Variants in FYCO1 observed in about 807,000 individuals in gnomAD.
The protein encoded by FYCO1 is FYVE and coiled-coil domain-containing protein 1.
In FYCO1, 122 loss-of-function variants were observed where a neutral mutation model predicts 165.1. The observed-to-expected ratio is 0.74, with a 90% CI of 0.64 to 0.86. The LOEUF (loss-of-function observed/expected upper bound fraction) is 0.86, where lower values mean the gene tolerates loss of function less well. Ranked by LOEUF, FYCO1 falls within the 40% of genes least tolerant of loss-of-function variation. The probability of loss-of-function intolerance (pLI) is 0.00; values close to 1 mark genes in which losing one functional copy is unlikely to be tolerated. For synonymous variants in FYCO1, 648 were observed against 742.5 expected, an observed-to-expected ratio of 0.87 and a Z score of 2.07; for missense variants, 1,702 against 1,810.3, an observed-to-expected ratio of 0.94 and a Z score of 1.09.
chr3:45,965,891 T>A (rs988789690), intron 8 of FYCO1, among the ~76,000 whole-genome samples: 1 of 152,222 alleles, frequency 6.6e-6, no homozygotes, highest in African/African-American at 2.4e-5. Context: ...ACCCTCAGGT[T>A]CCTGCTGACT....
At position 45,964,475 on chromosome 3, in the gene FYCO1, G is replaced by A; in HGVS notation, c.3151-21C>T. 1.9e-6 allele frequency: 3 copies of A among 1,613,530 alleles called. No individual in the cohort carries two copies. The highest frequency in any genetic ancestry group is 1.3e-5 in the African/African-American group (1 of 75,060). On this transcript the variant is annotated intron_variant, in intron 9 of 17. Transcript: ENST00000296137. This position sits in a 1 kb window ranked among gnomAD's most constrained non-coding sequence, Gnocchi z 4.1. ...GTGGCCTGGCACAGGACGTCAGGGA[G>A]AAGACACTCAGCTTGCAGAAGGCCA... is the stretch of plus-strand genomic sequence containing the variant.
chr3:45,945,857 A>G (rs1413021232), intron 14 of FYCO1: 3 of 152,324 alleles, frequency 2.0e-5, no homozygotes, highest in African/African-American at 4.8e-5. Flanking sequence ...AATCTATGCA[A>G]TTGAGGGGAA....
At chr3:45,924,783 T>C (rs1221405169) in intron 16 of FYCO1, among the ~76,000 whole-genome samples, 1 of 152,014 alleles carries the variant, frequency 6.6e-6, no homozygotes, top group Non-Finnish European at 1.5e-5. Flanking sequence ...CAGCTAATTT[T>C]TGTATTTTTA....
chr3:45,962,060 T>TC lies in FYCO1; in HGVS notation c.3437+164dup, dbSNP rs2125842918. Among the ~76,000 whole-genome samples, 1 of 152,120 alleles carries TC rather than the reference T, an allele frequency of 6.6e-6. No homozygotes were observed. Among genetic ancestry groups the TC allele is most frequent in the African/African-American group, 2.4e-5 (1 of 41,560 alleles). On this transcript the variant is annotated intron_variant, in intron 11 of 17. Transcript: ENST00000296137. This position sits in a 1 kb window ranked among gnomAD's most constrained non-coding sequence, Gnocchi z 4.4. ...ACCTGCAGGCGCTGGAGTTTGGGAC[T>TC]CTAGTACTGGGGAAAGTGAGATGGA... is the stretch of plus-strand genomic sequence containing the variant.
At chr3:45,933,293 A>G (rs1411960005) in intron 15 of FYCO1, among the ~76,000 whole-genome samples, 2 of 152,152 alleles carry the variant, frequency 1.3e-5, no homozygotes, top group African/African-American at 4.8e-5. Context: ...AACCTTTAAC[A>G]TGTTTTCAGA....
chr3:45,922,342 C>T (rs1305384564), intron 17 of FYCO1, among the ~76,000 whole-genome samples: 1 of 152,250 alleles, frequency 6.6e-6, no homozygotes, highest in African/African-American at 2.4e-5. Flanking sequence ...TAACTGGGAG[C>T]CTGCTCGGGC....
chr3:45,958,737 C>T (rs900030921), intron 12 of FYCO1, 118 bp from the exon 13 acceptor site: 5 of 949,256 alleles, frequency 5.3e-6, no homozygotes, highest in South Asian at 1.3e-5. Flanking sequence ...GGCTCTGCCC[C>T]CAAGTTAGGA....
chr3:45,965,067 A>C lies in FYCO1; in HGVS notation c.3116T>G (p.Leu1039Arg), dbSNP rs1168767850. ...RGQLEEQGRQ[L>R]QAAEEAVEKL... ...CTCCACAGCTTCCTCAGCAGCCTGCAGCTGCCGGCCTTGCTCCTCAAGCTG... is the reference window on the plus strand; with the variant it reads ...CTCCACAGCTTCCTCAGCAGCCTGCCGCTGCCGGCCTTGCTCCTCAAGCTG... Residue 1039 changes from leucine to arginine, a missense_variant, in exon 9 of 18, where the codon CTG (leucine) becomes CGG (arginine). Coordinates refer to ENST00000296137, the MANE Select transcript of FYCO1 (RefSeq NM_024513.4). 1.2e-6 allele frequency: 2 copies of C among 1,614,036 alleles called. No individual in the cohort carries two copies. The highest frequency in any genetic ancestry group is 8.5e-7 in the Non-Finnish European group (1 of 1,180,012).
intron 14 of FYCO1, among the ~76,000 whole-genome samples, chr3:45,954,615 A>G (rs1297649581): frequency 2.0e-5 from 3 of 152,198 alleles, no homozygotes; most frequent in East Asian, 1.9e-4. Context: ...CCATGCCCCA[A>G]TTATTCACAT....
At chr3:45,979,653 T>C in intron 4 of FYCO1, 52 bp downstream of exon 4, 2 of 1,609,904 alleles carry the variant, frequency 1.2e-6, no homozygotes, top group Non-Finnish European at 1.7e-6. Context: ...CAAGAGCTGC[T>C]TTAAGCAGGC....
At chr3:45,976,208 C>A (rs899580352) in intron 4 of FYCO1, among the ~76,000 whole-genome samples, 1 of 152,152 alleles carries the variant, frequency 6.6e-6, no homozygotes, top group African/African-American at 2.4e-5. Context: ...AGAGCTTATA[C>A]CTAAAATCCA....
intron 2 of FYCO1, chr3:45,984,540 A>G (rs890583717): frequency 8.3e-6 from 4 of 479,450 alleles, no homozygotes; most frequent in African/African-American, 2.0e-5. Flanking sequence ...TTTGGGATTT[A>G]GCCAAAGACT....
At chr3:45,992,476 A>G (rs146468561) in intron 1 of FYCO1, among the ~76,000 whole-genome samples, 11 of 152,358 alleles carry the variant, frequency 7.2e-5, no homozygotes, top group African/African-American at 2.4e-4. Flanking sequence ...TTTTGGAATC[A>G]GACTAGTTAC....
chr3:45,988,647 A>T (rs1007173885), intron 1 of FYCO1, among the ~76,000 whole-genome samples: 11 of 152,170 alleles, frequency 7.2e-5, no homozygotes, highest in African/African-American at 2.7e-4. Context: ...TCTTTCAAAT[A>T]TCAGAGAAAT....
chr3:45,979,670 A>G, intron 4 of FYCO1, 35 bp downstream of exon 4: 3 of 1,612,526 alleles, frequency 1.9e-6, no homozygotes, highest in Non-Finnish European at 1.7e-6. Flanking sequence ...AGGCAAAAGG[A>G]CGACATGAAG....
chr3:45,947,899 G>A (rs969110961), intron 14 of FYCO1: 1 of 231,122 alleles, frequency 4.3e-6, no homozygotes, highest in Non-Finnish European at 9.3e-6. Flanking sequence ...AAGCTCAGAA[G>A]GCTCTTCTGA....
intron 2 of FYCO1, among the ~76,000 whole-genome samples, chr3:45,983,889 A>T (rs1707181555): frequency 6.6e-6 from 1 of 152,252 alleles, no homozygotes. Context: ...GGTAGACACA[A>T]GATTAAAAGC....
In FYCO1 at chr3:45,962,801, G is replaced by A. The variant is rs77018814; in HGVS notation, c.3270-409C>T. ...CCTGGAGGTGGCCACACAGAGGAGG[G>A]CCTGTCTTCCACACGTCCTTGGGAC... is the stretch of plus-strand genomic sequence containing the variant. On this transcript the variant is annotated intron_variant, in intron 10 of 17. Coordinates refer to ENST00000296137, the MANE Select transcript of FYCO1 (RefSeq NM_024513.4). This position sits in a 1 kb window ranked among gnomAD's most constrained non-coding sequence, Gnocchi z 4.4. Among the ~76,000 whole-genome samples, 3,415 of 152,194 alleles carry A rather than the reference G, an allele frequency of 0.022. 136 individuals carry two copies. Among genetic ancestry groups the A allele is most frequent in the African/African-American group, 0.076 (3,144 of 41,494 alleles).
chr3:45,979,743 C>T lies in FYCO1; in HGVS notation c.250G>A (p.Ala84Thr), dbSNP rs1403828276. The change falls in exon 4 of 18, where the codon GCC becomes ACC. Residue 84 changes from alanine to threonine, a missense_variant. Transcript: ENST00000296137. ...FCACLAKVKG[A>T]NDGIRFVKSI... Reference sequence around the variant, plus strand: ...TTGACAAAGCGGATCCCATCATTGGCTCCTTTCACCTTGGCCAGGCAGGCA... The same window carrying T: ...TTGACAAAGCGGATCCCATCATTGGTTCCTTTCACCTTGGCCAGGCAGGCA... 3.7e-6 allele frequency: 6 copies of T among 1,614,120 alleles called. No homozygotes were observed. The highest frequency in any genetic ancestry group is 4.2e-6 in the Non-Finnish European group (5 of 1,179,976).
Sources: gnomAD v4.1 joint callset for allele counts (sites outside exome capture counted in the v4.1 genomes callset) on GRCh38, gnomAD v4.1.1 for gene constraint, Gnocchi (gnomAD v3.1) non-coding constraint, MANE v1.5 for transcripts, NCBI Gene and HGNC (gene_info 2026-07-23, HGNC 2026-07-21) for gene names.